SZT2: variants seen among roughly 807,000 people sequenced by gnomAD.
The protein encoded by SZT2 is SZT2 subunit of KICSTOR complex.
SZT2 carries 216 observed loss-of-function variants against 404.2 expected under a neutral mutation model. The ratio of observed to expected loss-of-function variants is 0.53; its 90% CI spans 0.48 to 0.60. The LOEUF (loss-of-function observed/expected upper bound fraction) is 0.60. Among genes scored for constraint, SZT2 ranks in the 20% least tolerant of loss-of-function variants. The pLI is 0.00. For synonymous variants in SZT2, 1,693 were observed against 1,749.9 expected, an observed-to-expected ratio of 0.97 and a Z score of 0.81; for missense variants, 3,857 against 4,459.2, an observed-to-expected ratio of 0.86 and a Z score of 3.85.
At position 43,453,655 on chromosome 1, in the gene SZT2, C is replaced by T. The variant is rs1334222109; in HGVS notation, c.*3175C>T. ...GCTTCTCGCGCGGCGCGCGCCAGCG[C>T]CTCAGGCGTCTCCGCGTACGGCCAG... On this transcript the variant is annotated 3_prime_UTR_variant, in exon 72 of 72. Transcript: ENST00000634258. 1.3e-6 allele frequency: 2 copies of T among 1,487,314 alleles called. No individual in the cohort carries two copies. The highest frequency in any genetic ancestry group is 1.8e-6 in the Non-Finnish European group (2 of 1,126,402). The allele number at this position is 1,487,314 out of a possible 1,614,324, so 92.1% of individuals were successfully genotyped here. A position where few individuals can be genotyped will look rare whatever the true frequency, so the allele number is the denominator to read the frequency against.
chr1:43,433,245 C>G, intron 40 of SZT2, 55 bp downstream of exon 40: 1 of 1,563,604 alleles, frequency 6.4e-7, no homozygotes, highest in Non-Finnish European at 8.7e-7. Flanking sequence ...CTTCTCTCTG[C>G]TCCCACAGTA....
chr1:43,446,660 G>A, intron 65 of SZT2: 1 of 626,724 alleles, frequency 1.6e-6, no homozygotes, highest in South Asian at 1.9e-5. Flanking sequence ...ACAGTGCCTG[G>A]TCTGGCCTGT....
Position 43,441,510 on chromosome 1 carries a change from G to C in SZT2, c.7518G>C (p.Arg2506=). Residue 2506 remains arginine, a synonymous_variant, in exon 54 of 72, where the codon CGG becomes CGC. Transcript: ENST00000634258. The surrounding 1 kb of genome is among the most constrained non-coding windows in gnomAD (Gnocchi z 4.8). ...TTACTCCCACTGTCTTCAGGCGCCG[G>C]ACAACACAGCTAGAAGAGGGTGAGG... ...SDSGAQRQKR[R]TTQLEEGEVG... is the part of the protein sequence containing the mutation. 1 of 1,613,802 alleles carries C rather than the reference G, an allele frequency of 6.2e-7. No individual in the cohort carries two copies. The highest frequency in any genetic ancestry group is 8.5e-7 in the Non-Finnish European group (1 of 1,179,852).
At chr1:43,438,389 G>A (rs969314093) in intron 46 of SZT2, among the ~76,000 whole-genome samples, 1 of 152,164 alleles carries the variant, frequency 6.6e-6, no homozygotes, top group Non-Finnish European at 1.5e-5. Flanking sequence ...AACATGTGCT[G>A]GTCTTGGGCT....
chr1:43,422,153 T>C lies in SZT2; in HGVS notation c.1697T>C (p.Leu566Pro). ...TTTGCTGCCTACTGGAAGCCAGTGC[T>C]GTCCATGGATGCAAATTCCTGGCAG... ...AQFAAYWKPV[L>P]SMDANSWQRW... Residue 566 changes from leucine to proline, a missense_variant, in exon 12 of 72, where the codon CTG becomes CCG. This residue lies in a region of SZT2 where 39 missense variants were observed against 89.7 expected (regional missense o/e 0.43). Transcript: ENST00000634258. 3 of 1,597,472 alleles carry C rather than the reference T, an allele frequency of 1.9e-6. No individual in the cohort carries two copies. Among genetic ancestry groups the C allele is most frequent in the Non-Finnish European group, 1.7e-6 (2 of 1,179,118 alleles).
Position 43,424,286 on chromosome 1 carries a change from C to T in SZT2, c.2325C>T (p.Pro775=). ...LLTLEPPGPL[P]LVSGRSASSS... The stretch of plus-strand genomic sequence containing the variant: ...CATTGGAGCCACCAGGTCCACTGCC[C>T]TTGGTGTCAGGCCGCTCAGCCTCTT... Residue 775 remains proline, a synonymous_variant, in exon 16 of 72, where the codon CCC becomes CCT. Coordinates refer to ENST00000634258, the MANE Select transcript of SZT2 (RefSeq NM_001365999.1). The surrounding 1 kb of genome is among the most constrained non-coding windows in gnomAD (Gnocchi z 4.1). 1 of 1,598,006 alleles carries T rather than the reference C, an allele frequency of 6.3e-7. No homozygotes were observed.
At chr1:43,433,538 T>TG (rs1443081102) in intron 40 of SZT2, among the ~76,000 whole-genome samples, 1 of 152,198 alleles carries the variant, frequency 6.6e-6, no homozygotes, top group East Asian at 1.9e-4. Context: ...TCCCAGCACT[T>TG]TGGGAGGCCG....
At position 43,403,268 on chromosome 1, in the gene SZT2, A is replaced by C. The variant is rs756496277; in HGVS notation, c.119A>C (p.His40Pro). The C allele has an allele frequency of 1.2e-6, 2 of 1,613,962 alleles. No homozygotes were observed. Among genetic ancestry groups the C allele is most frequent in the Admixed American group, 3.3e-5 (2 of 60,024 alleles). Residue 40 changes from histidine (H) to proline (P), a missense_variant, in exon 2 of 72, where the codon CAC becomes CCC. His to Pro is a moderately conservative substitution (Grantham distance 77). Transcript: ENST00000634258. ...CTGGCTTGGTTCCTCAGTCATCTGC[A>C]CCAAACTGTGCAGGCCACACCCCAG... ...VRLAWFLSHL[H>P]QTVQATPQEM...
Position 43,420,118 on chromosome 1 carries a change from C to A in SZT2, c.1091-35C>A, listed in dbSNP as rs372935277. 362 of 1,594,150 alleles carry A rather than the reference C, an allele frequency of 2.3e-4. No individual in the cohort carries two copies. Among genetic ancestry groups the A allele is most frequent in the Non-Finnish European group, 5.4e-5 (63 of 1,177,212 alleles). ...ACAGATCTGTCAGTTGGCAGATAACCAGTTTCTCCTTCCCCATCTCCACTG... is the reference window on the plus strand; with the variant it reads ...ACAGATCTGTCAGTTGGCAGATAACAAGTTTCTCCTTCCCCATCTCCACTG... On this transcript the variant is annotated intron_variant, in intron 8 of 71. Transcript: ENST00000634258. The surrounding 1 kb of genome is among the most constrained non-coding windows in gnomAD (Gnocchi z 5.1).
intron 46 of SZT2, 104 bp downstream of exon 46, chr1:43,438,006 G>A: frequency 8.3e-7 from 1 of 1,210,114 alleles, no homozygotes; most frequent in South Asian, 1.3e-5. Context: ...TTATGTAACA[G>A]TCTCAGCCCA....
chr1:43,444,339 C>T (rs1037499337), intron 62 of SZT2, among the ~76,000 whole-genome samples: 4 of 152,160 alleles, frequency 2.6e-5, no homozygotes, highest in South Asian at 4.2e-4. Flanking sequence ...TCAGGTAGTC[C>T]GCCCACCTCA....
Position 43,427,122 on chromosome 1 carries a change from G to A in SZT2, c.3376G>A (p.Ala1126Thr), listed in dbSNP as rs1653249180. 1.2e-6 allele frequency: 2 copies of A among 1,614,114 alleles called. No individual in the cohort carries two copies. Among genetic ancestry groups the A allele is most frequent in the East Asian group, 4.5e-5 (2 of 44,872 alleles). Residue 1126 changes from alanine (A) to threonine (T), a missense_variant, in exon 24 of 72, where the codon GCA becomes ACA. This residue lies in a region of SZT2 where 1,725 missense variants were observed against 1,881.0 expected (regional missense o/e 0.92). Transcript: ENST00000634258. Reference protein sequence around the residue: ...SAQPPQWRCYARLVNPQHVFL... With the variant: ...SAQPPQWRCYTRLVNPQHVFL... ...CCAGCCCCCTCAGTGGCGCTGCTATGCAAGGCTTGTGAACCCCCAGCATGT... is the reference window on the plus strand; with the variant it reads ...CCAGCCCCCTCAGTGGCGCTGCTATACAAGGCTTGTGAACCCCCAGCATGT...
Position 43,437,391 on chromosome 1 carries a change from A to T in SZT2, c.6188-15A>T. 1.9e-6 allele frequency: 3 copies of T among 1,614,120 alleles called. No individual in the cohort carries two copies. The South Asian group carries it at 3.3e-5, about 18-fold the overall frequency. On this transcript the variant is annotated splice_polypyrimidine_tract_variant and intron_variant, in intron 43 of 71. Transcript: ENST00000634258. This position sits in a 1 kb window ranked among gnomAD's most constrained non-coding sequence, Gnocchi z 5.3. ...CTGGAAAAGGCAGTTTCCTGAGCCC[A>T]TGTTATTCCCCCAGCCATCCAGGCC...
chr1:43,427,205 AC>A (rs771228483), intron 24 of SZT2, 26 bp downstream of exon 24: 2 of 1,611,600 alleles, frequency 1.2e-6, no homozygotes, highest in Admixed American at 1.7e-5. Flanking sequence ...CTCCTCACGA[AC>A]CCCCTCAGAT....
chr1:43,435,567 G>T, intron 42 of SZT2: 1 of 419,794 alleles, frequency 2.4e-6, no homozygotes. Flanking sequence ...GAAAGCAGAT[G>T]AAATGAAAAG....
Position 43,439,683 on chromosome 1 carries a change from C to T in SZT2, c.6956C>T (p.Pro2319Leu), listed in dbSNP as rs150979208. 5.6e-5 allele frequency: 90 copies of T among 1,612,894 alleles called. No individual in the cohort carries two copies. In the African/African-American group the frequency reaches 8.7e-4, roughly 16 times the overall value. Reference protein sequence around the residue: ...LSLALWPPSSPGPPDPLREEE... With the variant: ...LSLALWPPSSLGPPDPLREEE... ...CTGGCGTTGTGGCCCCCCTCCTCTC[C>T]GGGGCCCCCAGACCCACTGCGAGAG... Residue 2319 changes from proline to leucine, a missense_variant, in exon 50 of 72, where the codon CCG (proline) becomes CTG (leucine). Around this residue, in one of 7 missense-constraint regions of SZT2, gnomAD observed 573 missense variants for 592.4 expected, o/e 0.97. Coordinates refer to ENST00000634258, the MANE Select transcript of SZT2 (RefSeq NM_001365999.1). The surrounding 1 kb of genome is among the most constrained non-coding windows in gnomAD (Gnocchi z 4.2).
At chr1:43,428,180 G>T (rs1300689120) in intron 27 of SZT2, 60 bp from the exon 28 acceptor site, 4 of 1,612,052 alleles carry the variant, frequency 2.5e-6, no homozygotes, top group Non-Finnish European at 3.4e-6. Flanking sequence ...GGATTACAGG[G>T]TGGGGACTGG....
rs1655980805 is a variant in SZT2 at position 43,448,587 on chromosome 1, C to T, written c.9970-25C>T. On this transcript the variant is annotated intron_variant, in intron 69 of 71. Coordinates refer to ENST00000634258, the MANE Select transcript of SZT2 (RefSeq NM_001365999.1). The surrounding 1 kb of genome is among the most constrained non-coding windows in gnomAD (Gnocchi z 4.2). ...AATCTGAGGTGACTGGCACAGAAGA[C>T]TCAGGCCTGTGGCTCCTCCCTCAGG... 1 of 1,613,902 alleles carries T rather than the reference C, an allele frequency of 6.2e-7. No homozygotes were observed. Among genetic ancestry groups the T allele is most frequent in the Admixed American group, 1.7e-5 (1 of 60,006 alleles).
chr1:43,449,727 A>G, intron 70 of SZT2: 1 of 342,502 alleles, frequency 2.9e-6, no homozygotes, highest in Non-Finnish European at 5.7e-6. Flanking sequence ...GCAGAGCGTT[A>G]GGGAGCAGAT....
Sources: gnomAD v4.1 joint callset for allele counts (sites outside exome capture counted in the v4.1 genomes callset) on GRCh38, gnomAD v4.1.1 for gene constraint, gnomAD v4.1.1 regional missense constraint, Gnocchi (gnomAD v3.1) non-coding constraint, MANE v1.5 for transcripts, NCBI Gene and HGNC (gene_info 2026-07-23, HGNC 2026-07-21) for gene names.